The following DMD variants were observed in gnomAD, a reference collection of about 807,000 sequenced individuals.
DMD encodes the protein mutant dystrophin.
DMD carries 63 observed loss-of-function variants against 330.1 expected under a neutral mutation model. The ratio of observed to expected loss-of-function variants is 0.19; its 90% confidence interval spans 0.16 to 0.24. The LOEUF (loss-of-function observed/expected upper bound fraction) is 0.24. Ranked by LOEUF, DMD falls within the 10% of genes least tolerant of loss-of-function variation. The pLI is 1.00. For synonymous variants in DMD, 1,223 were observed against 959.8 expected (o/e 1.27, Z -5.07); for missense variants, 3,344 against 2,684.1 (o/e 1.25, Z -5.43).
At chrX:33,035,652 A>G (rs1395509460) in intron 1 of DMD, among the ~76,000 whole-genome samples, 1 of 111,883 alleles carries the variant, frequency 8.9e-6, no homozygotes, top group African/African-American at 3.2e-5. Context: ...AATCGGACAC[A>G]TATTTTTAAT....
At chrX:32,674,368 G>A (rs989795767) in intron 9 of DMD, among the ~76,000 whole-genome samples, 3 of 111,389 alleles carry the variant, frequency 2.7e-5, no homozygotes, top group African/African-American at 9.8e-5. Flanking sequence ...TTTTATACTT[G>A]CTCTTTTTGA....
chrX:31,649,737 AACTATACAT>A (rs887216491), intron 54 of DMD, among the ~76,000 whole-genome samples: 2 of 110,684 alleles, frequency 1.8e-5, no homozygotes, highest in African/African-American at 6.6e-5. Flanking sequence ...ATTGTCTTGT[AACTATACAT>A]ATGACTCTCT....
At chrX:31,334,622 TAATA>T (rs2057326922) in intron 61 of DMD, among the ~76,000 whole-genome samples, 1 of 111,998 alleles carries the variant, frequency 8.9e-6, no homozygotes, top group Admixed American at 9.5e-5. Flanking sequence ...TCGTTTTTGT[TAATA>T]AATATAGGAA....
chrX:32,351,013 C>T (rs906302764), intron 37 of DMD, among the ~76,000 whole-genome samples: 1 of 110,861 alleles, frequency 9.0e-6, no homozygotes, highest in African/African-American at 3.3e-5. Context: ...GTTATTTATC[C>T]TCATTGAACC....
At chrX:31,304,853 C>T (rs190665169) in intron 62 of DMD, among the ~76,000 whole-genome samples, 15 of 111,082 alleles carry the variant, frequency 1.4e-4, no homozygotes, top group Non-Finnish European at 2.6e-4. Context: ...CTTGTCCTGA[C>T]GTCTTCCCCT....
intron 55 of DMD, among the ~76,000 whole-genome samples, chrX:31,591,391 A>G (rs918871485): frequency 1.8e-5 from 2 of 111,486 alleles, no homozygotes; most frequent in Non-Finnish European, 3.8e-5. Flanking sequence ...AAAATCTCAG[A>G]GAGATCCTGT....
At position 32,343,215 on chromosome X, in the gene DMD, A is replaced by G. The variant is rs398123994; in HGVS notation, c.5658T>C (p.Ala1886=). The part of the protein sequence containing the change: ...SHQWYQYKRQ[A]DDLLKCLDDI... ...CATCCAAGCATTTCAGGAGATCATC[A>G]GCCTGCCTCTTGTACTGATACCACT... Residue 1886 remains alanine, a synonymous_variant, in exon 40 of 79, where the codon GCT becomes GCC. Transcript: ENST00000357033. 54 of 1,209,117 alleles carry G rather than the reference A, an allele frequency of 4.5e-5. No individual in the cohort carries two copies. The highest frequency in any genetic ancestry group is 6.0e-5 in the Non-Finnish European group (54 of 893,458).
intron 48 of DMD, among the ~76,000 whole-genome samples, chrX:31,865,457 A>G (rs2093781419): frequency 8.9e-6 from 1 of 112,262 alleles, no homozygotes; most frequent in Admixed American, 9.4e-5. Context: ...CCACTTTTAA[A>G]AAATTTTTTT....
intron 67 of DMD, among the ~76,000 whole-genome samples, chrX:31,201,198 C>CAT (rs1491537581): frequency 2.8e-5 from 3 of 108,069 alleles, no homozygotes; most frequent in African/African-American, 6.7e-5. Context: ...CACACACACA[C>CAT]GCACACACAC....
chrX:32,332,727 A>G (rs2097687039), intron 41 of DMD, among the ~76,000 whole-genome samples: 2 of 111,017 alleles, frequency 1.8e-5, no homozygotes, highest in Admixed American at 1.9e-4. Flanking sequence ...TTTCACTTAA[A>G]AATAGATGGG....
chrX:31,301,828 C>G (rs1020004200), intron 62 of DMD, among the ~76,000 whole-genome samples: 8 of 111,644 alleles, frequency 7.2e-5, no homozygotes, highest in Admixed American at 1.9e-4. Flanking sequence ...GGGCCATAGA[C>G]TGAGAACACT....
At chrX:31,665,869 G>T (rs1285409380) in intron 53 of DMD, among the ~76,000 whole-genome samples, 1 of 111,620 alleles carries the variant, frequency 9.0e-6, no homozygotes, top group Non-Finnish European at 1.9e-5. Context: ...TTCTCTTCCA[G>T]CTGCTTTGGA....
intron 7 of DMD, among the ~76,000 whole-genome samples, chrX:32,705,467 G>T (rs1603207464): frequency 1.8e-5 from 2 of 111,829 alleles, no homozygotes; most frequent in Admixed American, 1.9e-4. Flanking sequence ...TTTTCAACAT[G>T]CTTATGGTGT....
At chrX:32,279,966 CAT>C (rs200773895) in intron 43 of DMD, among the ~76,000 whole-genome samples, 2,504 of 63,750 alleles carry the variant, frequency 0.039, 81 homozygotes, top group African/African-American at 0.056. Context: ...ATGTGTAACC[CAT>C]ATATATATGT....
intron 59 of DMD, among the ~76,000 whole-genome samples, chrX:31,476,420 T>TACAC (rs1167527887): frequency 4.5e-4 from 41 of 91,951 alleles, no homozygotes; most frequent in Middle Eastern, 5.7e-3. Context: ...TATATATATA[T>TACAC]ACACACACAC....
chrX:32,346,020 T>C lies in DMD; in HGVS notation c.5509A>G (p.Arg1837Gly). Reference protein sequence around the residue: ...LLQRGDNLQQRITDERKREEI... With the variant: ...LLQRGDNLQQGITDERKREEI... ...TCTCGCTTTCTCTCATCTGTGATTCTTTGTTGTAAGTTGTCTCCTCTTTGC... is the reference window on the plus strand; with the variant it reads ...TCTCGCTTTCTCTCATCTGTGATTCCTTGTTGTAAGTTGTCTCCTCTTTGC... The change falls in exon 39 of 79, where the codon AGA becomes GGA. Residue 1837 changes from arginine (R) to glycine (G), a missense_variant. Transcript: ENST00000357033. 2 of 1,210,161 alleles carry C rather than the reference T, an allele frequency of 1.7e-6. No homozygotes were observed. Among genetic ancestry groups the C allele is most frequent in the Non-Finnish European group, 2.2e-6 (2 of 894,327 alleles).
chrX:31,196,500 G>C (rs1272006537), intron 67 of DMD, among the ~76,000 whole-genome samples: 3 of 110,972 alleles, frequency 2.7e-5, no homozygotes, highest in Non-Finnish European at 5.7e-5. Flanking sequence ...AGGGTTTTTA[G>C]GAGTTACTTT....
At chrX:32,481,268 G>A (rs1031259694) in intron 21 of DMD, among the ~76,000 whole-genome samples, 1 of 111,352 alleles carries the variant, frequency 9.0e-6, no homozygotes, top group Non-Finnish European at 1.9e-5. Context: ...GGGTTGAAAT[G>A]ATTTTTCTTT....
rs964096329 is a variant in DMD at position 32,448,316 on chromosome X, A to C, written c.3786+140T>G. 5 of 612,231 alleles carry C rather than the reference A, an allele frequency of 8.2e-6. No individual in the cohort carries two copies. The Admixed American group carries it at 1.1e-4, about 14-fold the overall frequency. The allele number at this position is 612,231 out of a possible 1,213,427, so 50.5% of individuals were successfully genotyped here. A position where few individuals can be genotyped will look rare whatever the true frequency, so the allele number is the denominator to read the frequency against. On this transcript the variant is annotated intron_variant, in intron 27 of 78. Coordinates refer to ENST00000357033, the MANE Select transcript of DMD (RefSeq NM_004006.3). The stretch of plus-strand genomic sequence containing the variant: ...TACACAAGTTAAGCAAATGGCCCAA[A>C]GTCATACAACTTATAAGTGCCTGAA...
Sources: gnomAD v4.1 joint callset for allele counts (sites outside exome capture counted in the v4.1 genomes callset) on GRCh38, gnomAD v4.1.1 for gene constraint, MANE v1.5 for transcripts, NCBI Gene and HGNC (gene_info 2026-07-23, HGNC 2026-07-21) for gene names.